The following CACNA2D2 variants were observed in gnomAD, a reference collection of about 807,000 sequenced individuals.
The protein encoded by CACNA2D2 is voltage-dependent calcium channel subunit alpha-2/delta-2.
A neutral mutation model predicts 166.4 loss-of-function variants in CACNA2D2; 48 were observed. The observed-to-expected ratio is 0.29, with a 90% CI of 0.23 to 0.37. The LOEUF is 0.37. Ranked by LOEUF, CACNA2D2 falls within the 10% of genes least tolerant of loss-of-function variation. The pLI is 1.00. For missense variants in CACNA2D2, 1,122 were observed against 1,433.0 expected (o/e 0.78, Z 3.50); for synonymous variants, 561 against 573.7 (o/e 0.98, Z 0.32).
intron 3 of CACNA2D2, among the ~76,000 whole-genome samples, chr3:50,405,707 GACA>G (rs139905303): frequency 0.085 from 12,900 of 152,156 alleles, 1,613 homozygotes; most frequent in African/African-American, 0.28. Context: ...TCAAGGTGAA[GACA>G]ACAAGGTCAG....
At position 50,366,385 on chromosome 3, in the gene CACNA2D2, G is replaced by T. The variant is rs766896040; in HGVS notation, c.2638-47C>A. On this transcript the variant is annotated intron_variant, in intron 30 of 37. Coordinates refer to ENST00000424201, the MANE Select transcript of CACNA2D2 (RefSeq NM_006030.4). This position sits in a 1 kb window ranked among gnomAD's most constrained non-coding sequence, Gnocchi z 5.9. ...GGAAAATGGAGAGGGGCTGGGCCCC[G>T]GACCTTCCACCGCAGGCAGTCCAGT... 3 of 1,593,504 alleles carry T rather than the reference G, an allele frequency of 1.9e-6. No individual in the cohort carries two copies. The highest frequency in any genetic ancestry group is 1.7e-4 in the Middle Eastern group (1 of 6,002).
chr3:50,488,287 A>C (rs114684374), intron 1 of CACNA2D2, among the ~76,000 whole-genome samples: 31 of 152,168 alleles, frequency 2.0e-4, no homozygotes, highest in African/African-American at 7.2e-4. Flanking sequence ...ACCTCCACAC[A>C]CTGGATGGAA....
intron 2 of CACNA2D2, among the ~76,000 whole-genome samples, chr3:50,473,699 T>C (rs1354324824): frequency 6.6e-6 from 1 of 152,136 alleles, no homozygotes; most frequent in Non-Finnish European, 1.5e-5. Flanking sequence ...AGGGGTGAGT[T>C]GTGGAGGGCT....
intron 3 of CACNA2D2, among the ~76,000 whole-genome samples, chr3:50,429,622 TAGCC>T (rs1353968605): frequency 1.7e-5 from 2 of 115,220 alleles, no homozygotes; most frequent in African/African-American, 6.2e-5. Flanking sequence ...AAAAAAAAAT[TAGCC>T]AGGCGTGGTG....
At chr3:50,502,202 C>T (rs959419126) in intron 1 of CACNA2D2, among the ~76,000 whole-genome samples, 88 of 152,262 alleles carry the variant, frequency 5.8e-4, no homozygotes, top group African/African-American at 2.0e-3. Context: ...AGCAGCCCGA[C>T]GACTCATGCC....
chr3:50,414,918 T>C (rs1385959673), intron 3 of CACNA2D2, among the ~76,000 whole-genome samples: 1 of 152,218 alleles, frequency 6.6e-6, no homozygotes, highest in Non-Finnish European at 1.5e-5. Flanking sequence ...CTCACTCAAA[T>C]TAACAAATCA....
chr3:50,449,475 T>A (rs1272503442), intron 2 of CACNA2D2, among the ~76,000 whole-genome samples: 1 of 152,172 alleles, frequency 6.6e-6, no homozygotes, highest in Non-Finnish European at 1.5e-5. Context: ...GCCACCTCCA[T>A]GGCTGCGCAG....
chr3:50,403,569 T>C (rs1010847544), intron 3 of CACNA2D2, among the ~76,000 whole-genome samples: 13 of 152,142 alleles, frequency 8.5e-5, no homozygotes, highest in African/African-American at 2.7e-4. Context: ...CAACCAAAGC[T>C]GGTTATCATG....
At chr3:50,433,479 T>C (rs1708165139) in intron 3 of CACNA2D2, among the ~76,000 whole-genome samples, 1 of 152,154 alleles carries the variant, frequency 6.6e-6, no homozygotes. Context: ...CTCAGCCTCC[T>C]GAGTAGCTGA....
At chr3:50,471,487 G>A (rs533092189) in intron 2 of CACNA2D2, among the ~76,000 whole-genome samples, 1 of 152,284 alleles carries the variant, frequency 6.6e-6, no homozygotes, top group Admixed American at 6.5e-5. Context: ...TAGGTTCTGA[G>A]GTTCCCTGGC....
intron 1 of CACNA2D2, among the ~76,000 whole-genome samples, chr3:50,477,746 C>G (rs1697855829): frequency 6.6e-6 from 1 of 152,182 alleles, no homozygotes; most frequent in Non-Finnish European, 1.5e-5. Flanking sequence ...CAGGGTGATG[C>G]CAGCCCCCCA....
At position 50,427,576 on chromosome 3, in the gene CACNA2D2, A is replaced by G. The variant is rs1480432228; in HGVS notation, c.405+6737T>C. Among the ~76,000 whole-genome samples, 1 of 152,262 alleles carries G rather than the reference A, an allele frequency of 6.6e-6. No individual in the cohort carries two copies. The highest frequency in any genetic ancestry group is 1.5e-5 in the Non-Finnish European group (1 of 68,046). ...TTAATGTTCATAATGGAGGGGAGGC[A>G]GAAGCCATCGCCAGCCCCACATAAA... On this transcript the variant is annotated intron_variant, in intron 3 of 37. Transcript: ENST00000424201. This position sits in a 1 kb window ranked among gnomAD's most constrained non-coding sequence, Gnocchi z 4.7.
rs1465718790 is a variant in CACNA2D2, at chr3:50,377,459, A to C, written c.1626+8T>G. ...GCAGGGTACGCGGATGGGCAGGGGG[A>C]TGCTCACCGTGTAGTTGGGGGTCAG... is the stretch of plus-strand genomic sequence containing the variant. On this transcript the variant is annotated splice_region_variant and intron_variant, in intron 17 of 37. Coordinates refer to ENST00000424201, the MANE Select transcript of CACNA2D2 (RefSeq NM_006030.4). The C allele has an allele frequency of 6.2e-7, 1 of 1,609,426 alleles. No individual in the cohort carries two copies. The highest frequency in any genetic ancestry group is 1.3e-5 in the African/African-American group (1 of 74,818).
At chr3:50,369,658 G>T (rs1704543620) in intron 23 of CACNA2D2, among the ~76,000 whole-genome samples, 1 of 152,258 alleles carries the variant, frequency 6.6e-6, no homozygotes, top group African/African-American at 2.4e-5. Flanking sequence ...TCAGCACCCA[G>T]GGGACCCGGC....
At chr3:50,443,742 C>T (rs767209203) in intron 2 of CACNA2D2, among the ~76,000 whole-genome samples, 2 of 152,250 alleles carry the variant, frequency 1.3e-5, no homozygotes, top group Middle Eastern at 3.2e-3. Flanking sequence ...AACCCCTTCA[C>T]CCTCGTGCCC....
At chr3:50,461,430 T>G (rs572271996) in intron 2 of CACNA2D2, among the ~76,000 whole-genome samples, 1 of 152,216 alleles carries the variant, frequency 6.6e-6, no homozygotes, top group Admixed American at 6.5e-5. Context: ...GTACCTGTCC[T>G]CAGGAAGCCA....
Position 50,366,475 on chromosome 3 carries a change from T to C in CACNA2D2, c.2637+103A>G. 6.7e-7 allele frequency: 1 copy of C among 1,484,822 alleles called. No individual in the cohort carries two copies. Among genetic ancestry groups the C allele is most frequent in the Non-Finnish European group, 9.4e-7 (1 of 1,062,914 alleles). 92.0% of individuals were successfully genotyped at this position (1,484,822 alleles called of 1,614,324 possible). On this transcript the variant is annotated intron_variant, in intron 30 of 37. Coordinates refer to ENST00000424201, the MANE Select transcript of CACNA2D2 (RefSeq NM_006030.4). This position sits in a 1 kb window ranked among gnomAD's most constrained non-coding sequence, Gnocchi z 5.9. ...AGGCTGTGAAGTCAGGGTGGGGATG[T>C]TGAGACCCACAGGCCAAGGGATGTG...
At chr3:50,421,272 A>G (rs1196372403) in intron 3 of CACNA2D2, among the ~76,000 whole-genome samples, 1 of 152,252 alleles carries the variant, frequency 6.6e-6, no homozygotes, top group Non-Finnish European at 1.5e-5. Flanking sequence ...CAGGGCAGTC[A>G]CGCAGGGAGA....
chr3:50,366,838 G>C lies in CACNA2D2; in HGVS notation c.2582C>G (p.Pro861Arg). The C allele has an allele frequency of 6.2e-7, 1 of 1,613,512 alleles. No homozygotes were observed. The highest frequency in any genetic ancestry group is 8.5e-7 in the Non-Finnish European group (1 of 1,179,976). The change falls in exon 29 of 38, where the codon CCT becomes CGT. Residue 861 changes from proline (P) to arginine (R), a missense_variant. Pro to Arg is a moderately radical substitution (Grantham distance 103). Transcript: ENST00000424201. The surrounding 1 kb of genome is among the most constrained non-coding windows in gnomAD (Gnocchi z 5.9). Reference protein sequence around the residue: ...LASNRTHQDQPQKCGPNSHCE... With the variant: ...LASNRTHQDQRQKCGPNSHCE... ...CCGCCCCTGCCCAAATACCTTCTGA[G>C]GCTGGTCTTGGTGGGTACGGTTGCT...
Sources: gnomAD v4.1 joint callset for allele counts (sites outside exome capture counted in the v4.1 genomes callset) on GRCh38, gnomAD v4.1.1 for gene constraint, Gnocchi (gnomAD v3.1) non-coding constraint, MANE v1.5 for transcripts, NCBI Gene and HGNC (gene_info 2026-07-23, HGNC 2026-07-21) for gene names.